Variants in GPHN observed in about 807,000 individuals in gnomAD.
The protein encoded by GPHN is gephyrin.
Under a neutral mutation model 95.5 loss-of-function variants are expected in GPHN, and 17 were observed. That is an observed-to-expected ratio of 0.18 (90% CI 0.12 to 0.27). The LOEUF (loss-of-function observed/expected upper bound fraction) is 0.27. Among genes scored for constraint, GPHN ranks in the 10% least tolerant of loss-of-function variants. GPHN has a pLI of 1.00. For synonymous variants in GPHN, 320 were observed against 322.5 expected (o/e 0.99, Z 0.08); for missense variants, 660 against 978.1 (o/e 0.67, Z 4.34).
At chr14:66,774,925 T>G (rs1197542843) in intron 2 of GPHN, among the ~76,000 whole-genome samples, 3 of 152,228 alleles carry the variant, frequency 2.0e-5, no homozygotes, top group Non-Finnish European at 4.4e-5. Context: ...AAATTGTAAC[T>G]CCAGGTCTGC....
the GPHN span, among the ~76,000 whole-genome samples, chr14:67,341,341 G>T: frequency 6.6e-6 from 1 of 151,642 alleles, no homozygotes; most frequent in Non-Finnish European, 1.5e-5. Flanking sequence ...TGAGAAGTGA[G>T]GAGACCCTCC....
chr14:67,607,522 G>A, the GPHN span, among the ~76,000 whole-genome samples: 764 of 152,136 alleles, frequency 5.0e-3, 36 homozygotes, highest in East Asian at 0.082. Context: ...GCATGCCACC[G>A]GGGCCAGTTA....
At chr14:67,510,673 C>T in the GPHN span, among the ~76,000 whole-genome samples, 1 of 152,112 alleles carries the variant, frequency 6.6e-6, no homozygotes, top group Non-Finnish European at 1.5e-5. Context: ...AAAGTAAGAC[C>T]AATGCTCTGG....
At chr14:67,448,924 T>C in the GPHN span, among the ~76,000 whole-genome samples, 1 of 152,170 alleles carries the variant, frequency 6.6e-6, no homozygotes, top group Non-Finnish European at 1.5e-5. Context: ...ATTCTCTTCA[T>C]GGCTGTGAAA....
intron 10 of GPHN, among the ~76,000 whole-genome samples, chr14:67,053,197 A>G (rs1281276051): frequency 6.7e-6 from 1 of 149,770 alleles, no homozygotes; most frequent in East Asian, 1.9e-4. Context: ...TTTGGAAAAA[A>G]AAATTAATAA....
chr14:66,611,246 G>C (rs138039940), intron 1 of GPHN, among the ~76,000 whole-genome samples: 209 of 152,252 alleles, frequency 1.4e-3, no homozygotes, highest in African/African-American at 5.0e-3. Flanking sequence ...CATGAGGGCA[G>C]TTATGACTTC....
intron 16 of GPHN, 83 bp from the exon 17 acceptor site, chr14:67,122,173 T>C (rs933622697): frequency 2.1e-6 from 3 of 1,397,988 alleles, no homozygotes; most frequent in Non-Finnish European, 3.0e-6. Context: ...TATGCTAAAC[T>C]CAGTTTAGTA....
chr14:67,387,325 C>G, the GPHN span: 2 of 1,608,496 alleles, frequency 1.2e-6, no homozygotes, highest in Non-Finnish European at 1.7e-6. Flanking sequence ...CCCTCAGGTC[C>G]TTGTCATGTT....
At chr14:67,698,135 G>C in the GPHN span, among the ~76,000 whole-genome samples, 3 of 152,098 alleles carry the variant, frequency 2.0e-5, no homozygotes, top group East Asian at 1.9e-4. Context: ...TTGTATGCAG[G>C]GTCTATTGTG....
chr14:67,088,557 A>G (rs1465018226), intron 11 of GPHN, among the ~76,000 whole-genome samples: 4 of 152,154 alleles, frequency 2.6e-5, no homozygotes, highest in Non-Finnish European at 5.9e-5. Context: ...TTCTATTGTA[A>G]GCAACTGTGA....
At chr14:67,528,707 C>G in the GPHN span, among the ~76,000 whole-genome samples, 12 of 152,152 alleles carry the variant, frequency 7.9e-5, no homozygotes, top group Non-Finnish European at 1.6e-4. Flanking sequence ...CTCTCTTGCC[C>G]GTATAACCCG....
chr14:67,296,537 G>A, the GPHN span, among the ~76,000 whole-genome samples: 1 of 137,444 alleles, frequency 7.3e-6, no homozygotes, highest in South Asian at 2.3e-4. Flanking sequence ...AGCCAAGATC[G>A]TGCCACTGCA....
chr14:67,343,406 C>A, the GPHN span: 1 of 1,611,882 alleles, frequency 6.2e-7, no homozygotes, highest in Middle Eastern at 1.7e-4. Flanking sequence ...TGTTGGTTAT[C>A]TTAATAGCTT....
rs143575559 is a variant in GPHN at position 67,003,406 on chromosome 14, A to G, written c.964-20227A>G. 1.3e-4 allele frequency among the ~76,000 whole-genome samples: 20 copies of G among 151,866 alleles called. No homozygotes were observed. In the East Asian group the frequency reaches 1.5e-3, roughly 12 times the overall value. On this transcript the variant is annotated intron_variant, in intron 9 of 22. Transcript: ENST00000478722. ...CATATATGGATTAATGTAGGAATCT[A>G]TCTACTAATTGTAACATTATTTCTT... is the stretch of plus-strand genomic sequence containing the variant.
chr14:66,838,244 G>A lies in GPHN; in HGVS notation c.294+13678G>A, dbSNP rs1053605712. On this transcript the variant is annotated intron_variant, in intron 4 of 22. Coordinates refer to ENST00000478722, the MANE Select transcript of GPHN (RefSeq NM_020806.5). ...TACTTACGTTATGTAAATAATATAA[G>A]CAAGGCACTAAAAACAATATTTCCT... Among the ~76,000 whole-genome samples the A allele has an allele frequency of 8.5e-5, 13 of 152,154 alleles. No homozygotes were observed. The East Asian group carries it at 2.1e-3, about 25-fold the overall frequency.
the GPHN span, chr14:67,390,719 G>T: frequency 6.2e-7 from 1 of 1,613,330 alleles, no homozygotes; most frequent in Non-Finnish European, 8.5e-7. Context: ...ACAAAGCGAC[G>T]CACCTTCCAG....
intron 4 of GPHN, among the ~76,000 whole-genome samples, chr14:66,835,380 CT>C (rs1162791245): frequency 1.3e-5 from 2 of 151,968 alleles, no homozygotes; most frequent in Non-Finnish European, 2.9e-5. Flanking sequence ...CCTGCTTTCT[CT>C]TGTGGGCATT....
the GPHN span, among the ~76,000 whole-genome samples, chr14:67,250,182 T>G: frequency 6.6e-6 from 1 of 152,202 alleles, no homozygotes; most frequent in Admixed American, 6.5e-5. Flanking sequence ...CATTTAAAAT[T>G]CAGCCACCCA....
At chr14:66,629,220 T>TATATATGTATTTTCTATTTTAAATAC (rs2063684159) in intron 1 of GPHN, among the ~76,000 whole-genome samples, 1 of 144,722 alleles carries the variant, frequency 6.9e-6, no homozygotes, top group Non-Finnish European at 1.5e-5. Context: ...TATATACATA[T>TATATATGTATTTTCTATTTTAAATAC]ATAAATATGT....
Sources: gnomAD v4.1 joint callset for allele counts (sites outside exome capture counted in the v4.1 genomes callset) on GRCh38, gnomAD v4.1.1 for gene constraint, MANE v1.5 for transcripts, NCBI Gene and HGNC (gene_info 2026-07-23, HGNC 2026-07-21) for gene names.